SGCZ: variants seen among roughly 807,000 people sequenced by gnomAD.
SGCZ encodes sarcoglycan zeta.
A neutral mutation model predicts 41.3 loss-of-function variants in SGCZ; 40 were observed. That is an observed-to-expected ratio of 0.97 (90% CI 0.75 to 1.26). SGCZ has a LOEUF of 1.26. SGCZ is among the 50% of genes most tolerant of loss of function. SGCZ has a pLI of 0.00. For synonymous variants in SGCZ, 206 were observed against 137.5 expected (o/e 1.50, Z -3.49); for missense variants, 552 against 369.8 (o/e 1.49, Z -4.04).
intron 1 of SGCZ, among the ~76,000 whole-genome samples, chr8:15,084,945 A>C (rs1271215056): frequency 6.6e-6 from 1 of 152,164 alleles, no homozygotes; most frequent in Non-Finnish European, 1.5e-5. Context: ...TCTTAGCTCC[A>C]TTAGCAATAG....
chr8:15,187,023 A>G (rs1800370654), intron 1 of SGCZ, among the ~76,000 whole-genome samples: 2 of 152,192 alleles, frequency 1.3e-5, no homozygotes. Flanking sequence ...CATATAAAGC[A>G]TTACGTCCAA....
chr8:14,355,942 A>G (rs186636198), intron 2 of SGCZ, among the ~76,000 whole-genome samples: 6 of 152,264 alleles, frequency 3.9e-5, no homozygotes, highest in Admixed American at 2.6e-4. Context: ...ACACTTTTCA[A>G]TTTCCTCATG....
intron 1 of SGCZ, among the ~76,000 whole-genome samples, chr8:15,229,343 T>G (rs1335961701): frequency 6.6e-6 from 1 of 152,198 alleles, no homozygotes; most frequent in African/African-American, 2.4e-5. Flanking sequence ...TAATTCTTTA[T>G]GAAAGCATAA....
chr8:15,124,218 T>C (rs531387893), intron 1 of SGCZ, among the ~76,000 whole-genome samples: 2 of 152,340 alleles, frequency 1.3e-5, no homozygotes, highest in East Asian at 1.9e-4. Flanking sequence ...GTGACAGCTT[T>C]GATTTCAATT....
intron 5 of SGCZ, among the ~76,000 whole-genome samples, chr8:14,122,542 T>A (rs1802732004): frequency 6.6e-6 from 1 of 152,194 alleles, no homozygotes; most frequent in South Asian, 2.1e-4. Flanking sequence ...TCTAATAAAC[T>A]ATTGTGATTC....
intron 1 of SGCZ, among the ~76,000 whole-genome samples, chr8:15,034,948 A>C (rs1042991249): frequency 3.9e-5 from 6 of 152,218 alleles, no homozygotes; most frequent in African/African-American, 1.4e-4. Context: ...TCTCCTAAGA[A>C]AGCCTATTGG....
At chr8:14,604,550 G>T (rs549449333) in intron 1 of SGCZ, among the ~76,000 whole-genome samples, 4 of 152,202 alleles carry the variant, frequency 2.6e-5, no homozygotes, top group South Asian at 2.1e-4. Flanking sequence ...CTGACTTTTA[G>T]AAGGCTTGTT....
At chr8:15,039,867 T>G (rs1804018644) in intron 1 of SGCZ, among the ~76,000 whole-genome samples, 1 of 152,230 alleles carries the variant, frequency 6.6e-6, no homozygotes, top group African/African-American at 2.4e-5. Context: ...GATTTTATGG[T>G]TAAACCGCAG....
intron 1 of SGCZ, among the ~76,000 whole-genome samples, chr8:15,133,702 A>G (rs915405563): frequency 6.6e-6 from 1 of 152,220 alleles, no homozygotes; most frequent in Non-Finnish European, 1.5e-5. Flanking sequence ...AAAAATGACA[A>G]CAGTAAGACA....
chr8:14,204,544 C>T (rs1805558901), intron 4 of SGCZ, among the ~76,000 whole-genome samples: 1 of 152,066 alleles, frequency 6.6e-6, no homozygotes, highest in East Asian at 1.9e-4. Context: ...GATGAAGGAA[C>T]ACCTTGAGAG....
intron 1 of SGCZ, among the ~76,000 whole-genome samples, chr8:15,013,514 C>T (rs986600598): frequency 2.0e-5 from 3 of 152,066 alleles, no homozygotes; most frequent in South Asian, 2.1e-4. Flanking sequence ...CTAATGTTCT[C>T]CTCCCTCCCC....
chr8:14,728,713 A>G (rs540974968), intron 1 of SGCZ, among the ~76,000 whole-genome samples: 1 of 152,196 alleles, frequency 6.6e-6, no homozygotes, highest in African/African-American at 2.4e-5. Flanking sequence ...CAAATTTAGC[A>G]ATATGATATT....
chr8:14,188,904 T>G (rs138744674), intron 4 of SGCZ, among the ~76,000 whole-genome samples: 2 of 151,318 alleles, frequency 1.3e-5, no homozygotes, highest in Admixed American at 1.3e-4. Flanking sequence ...CATTCTCGTC[T>G]CATTGCAACC....
intron 1 of SGCZ, among the ~76,000 whole-genome samples, chr8:14,860,695 GGAAA>G (rs1169934024): frequency 1.9e-4 from 19 of 98,668 alleles, no homozygotes; most frequent in African/African-American, 4.2e-4. Flanking sequence ...AAAGAAAGAA[GGAAA>G]GAAAGAAAGA....
intron 1 of SGCZ, among the ~76,000 whole-genome samples, chr8:15,232,716 T>C (rs1293939900): frequency 4.1e-5 from 6 of 147,304 alleles, no homozygotes; most frequent in African/African-American, 1.5e-4. Flanking sequence ...CATATATATG[T>C]GTGTATATAT....
At chr8:14,978,464 C>A (rs1801556387) in intron 1 of SGCZ, among the ~76,000 whole-genome samples, 1 of 84,198 alleles carries the variant, frequency 1.2e-5, no homozygotes, top group Non-Finnish European at 2.0e-5. Context: ...GAGTGAGACA[C>A]CGTCACAAAA....
chr8:15,209,684 A>T (rs897857950), intron 1 of SGCZ, among the ~76,000 whole-genome samples: 2 of 152,158 alleles, frequency 1.3e-5, no homozygotes, highest in Admixed American at 6.6e-5. Flanking sequence ...ATATCAACAG[A>T]CAAAACATAA....
At chr8:14,722,874 A>T (rs527889602) in intron 1 of SGCZ, among the ~76,000 whole-genome samples, 287 of 152,330 alleles carry the variant, frequency 1.9e-3, no homozygotes, top group African/African-American at 6.5e-3. Flanking sequence ...GTAAAGTCGG[A>T]AATAAAATGC....
intron 4 of SGCZ, among the ~76,000 whole-genome samples, chr8:14,216,945 C>G (rs1806013906): frequency 6.6e-6 from 1 of 152,082 alleles, no homozygotes; most frequent in Non-Finnish European, 1.5e-5. Context: ...GTTATGTATA[C>G]TGACGTATTG....
Sources: gnomAD v4.1 joint callset for allele counts (sites outside exome capture counted in the v4.1 genomes callset) on GRCh38, gnomAD v4.1.1 for gene constraint, MANE v1.5 for transcripts, NCBI Gene and HGNC (gene_info 2026-07-23, HGNC 2026-07-21) for gene names.